Variants in SLC16A8 observed in about 807,000 individuals in gnomAD.
SLC16A8 encodes monocarboxylate transporter 3.
Under a neutral mutation model 22.4 loss-of-function variants are expected in SLC16A8, and 20 were observed. That is an observed-to-expected ratio of 0.89 (90% CI 0.63 to 1.30). The LOEUF (loss-of-function observed/expected upper bound fraction) is 1.30. Among genes scored for constraint, SLC16A8 ranks in the 50% most tolerant of loss-of-function variants. The probability of loss-of-function intolerance (pLI) is 0.00; values close to 1 mark genes in which losing one functional copy is unlikely to be tolerated. For missense variants in SLC16A8, 817 were observed against 740.3 expected (o/e 1.10, Z -1.20); for synonymous variants, 393 against 358.8 (o/e 1.10, Z -1.08).
At chr22:38,080,358 T>C (rs1241758766) in intron 5 of SLC16A8, among the ~76,000 whole-genome samples, 1 of 152,080 alleles carries the variant, frequency 6.6e-6, no homozygotes, top group Non-Finnish European at 1.5e-5. Context: ...CTTCTCCCCA[T>C]CTGCCCGCTG....
At chr22:38,079,636 C>A (rs544595742) in intron 5 of SLC16A8, among the ~76,000 whole-genome samples, 100 of 152,262 alleles carry the variant, frequency 6.6e-4, no homozygotes, top group Non-Finnish European at 1.2e-3. Context: ...CCATGTTGCC[C>A]CGGCTGGTTT....
intron 5 of SLC16A8, among the ~76,000 whole-genome samples, chr22:38,080,461 G>A (rs985963073): frequency 5.9e-5 from 9 of 152,144 alleles, no homozygotes; most frequent in Admixed American, 2.6e-4. Flanking sequence ...TTCTAAAGGC[G>A]TGGGCATTTA....
In SLC16A8 at chr22:38,083,285, T is replaced by C. The variant is rs1601973029; in HGVS notation, c.-252A>G. 9.7e-6 allele frequency: 2 copies of C among 205,980 alleles called. No homozygotes were observed. Among genetic ancestry groups the C allele is most frequent in the East Asian group, 2.2e-4 (2 of 8,980 alleles). 12.8% of individuals were successfully genotyped at this position (205,980 alleles called of 1,614,324 possible). A position where few individuals can be genotyped will look rare whatever the true frequency, so the allele number is the denominator to read the frequency against. On this transcript the variant is annotated 5_prime_UTR_variant, in exon 2 of 6. Coordinates refer to ENST00000681075, the MANE Select transcript of SLC16A8 (RefSeq NM_013356.3). The stretch of plus-strand genomic sequence containing the variant: ...AAACAGCAGAGGGGCAGATGCCGGC[T>C]GCAAAGGGCCGCTGTGCGTGATTTT...
intron 5 of SLC16A8, among the ~76,000 whole-genome samples, chr22:38,080,279 G>T (rs2085896344): frequency 6.6e-6 from 1 of 152,140 alleles, no homozygotes; most frequent in Non-Finnish European, 1.5e-5. Context: ...CCACCCTCAT[G>T]ACGATGACTT....
intron 3 of SLC16A8, 96 bp downstream of exon 3, chr22:38,082,564 C>T: frequency 9.2e-7 from 1 of 1,089,548 alleles, no homozygotes; most frequent in South Asian, 1.6e-5. Flanking sequence ...TCGGGGGCCA[C>T]CCCGAGGGTC....
Position 38,082,813 on chromosome 22 carries a change from C to G in SLC16A8, c.61G>C (p.Val21Leu). Residue 21 changes from valine (V) to leucine (L), a missense_variant, in exon 3 of 6, where the codon GTG becomes CTG. Coordinates refer to ENST00000681075, the MANE Select transcript of SLC16A8 (RefSeq NM_013356.3). ...GTGACCACAAAGCAGGCGCCCAGCA[C>G]CACCCAGCCCCAGCCGCCGTCTGGG... ...GPPDGGWGWV[V>L]LGACFVVTGF... The G allele has an allele frequency of 6.3e-7, 1 of 1,585,588 alleles. No homozygotes were observed.
At chr22:38,082,526 C>T in intron 3 of SLC16A8, 134 bp downstream of exon 3, 1 of 760,020 alleles carries the variant, frequency 1.3e-6, no homozygotes, top group Non-Finnish European at 2.1e-6. Flanking sequence ...CTTTCTGGTG[C>T]CAGGGTTCCC....
intron 2 of SLC16A8, 47 bp downstream of exon 2, chr22:38,082,995 G>T: frequency 1.4e-6 from 1 of 694,920 alleles, no homozygotes; most frequent in Non-Finnish European, 2.4e-6. Context: ...ACGTGAGGGT[G>T]GCTCAGGTCT....
chr22:38,081,527 A>T lies in SLC16A8; in HGVS notation c.511T>A (p.Phe171Ile), dbSNP rs1213025288. Residue 171 changes from phenylalanine (F) to isoleucine (I), a missense_variant, in exon 5 of 6, where the codon TTC (phenylalanine) becomes ATC (isoleucine). Physicochemically the swap from Phe to Ile is conservative, Grantham distance 21 (BLOSUM62 0). Transcript: ENST00000681075. The stretch of plus-strand genomic sequence containing the variant: ...AGCAGGAAGCCGCCGCGCCAGCCGA[A>T]GCGCTCCAGCAGCTGCTGGCCGAGC... ...SPLGQQLLER[F>I]GWRGGFLLLG... 1.4e-6 allele frequency: 2 copies of T among 1,437,288 alleles called. No individual in the cohort carries two copies. Among genetic ancestry groups the T allele is most frequent in the Admixed American group, 3.1e-5 (1 of 32,648 alleles). The allele number at this position is 1,437,288 out of a possible 1,614,324, so 89.0% of individuals were successfully genotyped here.
At position 38,081,634 on chromosome 22, in the gene SLC16A8, C is replaced by T; in HGVS notation, c.404G>A (p.Gly135Glu). The change falls in exon 5 of 6, where the codon GGG (glycine) becomes GAG (glutamate). Residue 135 changes from glycine to glutamate, a missense_variant. Physicochemically the swap from Gly to Glu is moderately conservative, Grantham distance 98. Transcript: ENST00000681075. The part of the protein sequence containing the change: ...LNFQPSLIML[G>E]LYFERRRPLA... ...AGGCCGCCGCCGCTCGAAGTACAGC[C>T]CCAGCATGATGAGCGACGGCTGGAA... 1 of 1,529,050 alleles carries T rather than the reference C, an allele frequency of 6.5e-7. No individual in the cohort carries two copies. The highest frequency in any genetic ancestry group is 8.7e-7 in the Non-Finnish European group (1 of 1,142,982). The allele number at this position is 1,529,050 out of a possible 1,614,324, so 94.7% of individuals were successfully genotyped here.
At chr22:38,080,361 GC>G (rs1190877744) in intron 5 of SLC16A8, among the ~76,000 whole-genome samples, 1 of 152,102 alleles carries the variant, frequency 6.6e-6, no homozygotes, top group East Asian at 1.9e-4. Flanking sequence ...CTCCCCATCT[GC>G]CCGCTGAGCA....
Position 38,082,896 on chromosome 22 carries a change from C to A in SLC16A8, c.-8-15G>T. 7.0e-7 allele frequency: 1 copy of A among 1,430,534 alleles called. No homozygotes were observed. The highest frequency in any genetic ancestry group is 1.2e-5 in the South Asian group (1 of 81,104). 88.6% of individuals were successfully genotyped at this position (1,430,534 alleles called of 1,614,324 possible). ...CATCGCTGCCTCTGTTGGGAGGGGGCGGGGACAAGAGGGAGGGGCTGGGCC... is the reference window on the plus strand; with the variant it reads ...CATCGCTGCCTCTGTTGGGAGGGGGAGGGGACAAGAGGGAGGGGCTGGGCC... On this transcript the variant is annotated splice_polypyrimidine_tract_variant and intron_variant, in intron 2 of 5. Transcript: ENST00000681075.
chr22:38,081,667 G>C lies in SLC16A8; in HGVS notation c.371C>G (p.Ala124Gly). ...TAGVLTGLGL[A>G]LNFQPSLIML... ...GATGAGCGACGGCTGGAAGTTGAGG[G>C]CCAGGCCCAGGCCTGCGGGCGAGGC... The change falls in exon 5 of 6, where the codon GCC (alanine) becomes GGC (glycine). Residue 124 changes from alanine (A) to glycine (G), a missense_variant. By Grantham distance (60) the Ala-to-Gly change is moderately conservative (BLOSUM62 0). Coordinates refer to ENST00000681075, the MANE Select transcript of SLC16A8 (RefSeq NM_013356.3). The C allele has an allele frequency of 6.6e-7, 1 of 1,523,034 alleles. No individual in the cohort carries two copies. The highest frequency in any genetic ancestry group is 8.8e-7 in the Non-Finnish European group (1 of 1,140,202). 94.3% of individuals were successfully genotyped at this position (1,523,034 alleles called of 1,614,324 possible). A position where few individuals can be genotyped will look rare whatever the true frequency, so the allele number is the denominator to read the frequency against.
At position 38,083,122 on chromosome 22, in the gene SLC16A8, G is replaced by T; in HGVS notation, c.-89C>A. On this transcript the variant is annotated 5_prime_UTR_variant, in exon 2 of 6. Coordinates refer to ENST00000681075, the MANE Select transcript of SLC16A8 (RefSeq NM_013356.3). ...CCCACCTGACTCTGCACCTCTGCAG[G>T]CTCCCTCTGAAGGACAACTGCTGGC... 2 of 533,092 alleles carry T rather than the reference G, an allele frequency of 3.8e-6. No homozygotes were observed. The highest frequency in any genetic ancestry group is 6.1e-5 in the East Asian group (2 of 32,960). 33.0% of individuals were successfully genotyped at this position (533,092 alleles called of 1,614,324 possible).
chr22:38,082,647 CG>C lies in SLC16A8; in HGVS notation c.214+12del. 1 of 1,542,326 alleles carries C rather than the reference CG, an allele frequency of 6.5e-7. No homozygotes were observed. Among genetic ancestry groups the C allele is most frequent in the Non-Finnish European group, 8.8e-7 (1 of 1,142,364 alleles). On this transcript the variant is annotated intron_variant, in intron 3 of 5. Transcript: ENST00000681075. ...GGTCCCGGGGAGGCGGAGGGCCGGGCGGGGACACTGACCCGTGCCGTAGAGC... is the reference window on the plus strand; with the variant it reads ...GGTCCCGGGGAGGCGGAGGGCCGGGCGGGACACTGACCCGTGCCGTAGAGC...
rs747974106 is a variant in SLC16A8 at position 38,081,087 on chromosome 22, C to T, written c.951G>A (p.Pro317=). The change falls in exon 5 of 6, where the codon CCG becomes CCA. Residue 317 remains proline, a synonymous_variant. Coordinates refer to ENST00000681075, the MANE Select transcript of SLC16A8 (RefSeq NM_013356.3). ...GALAGLARLR[P]HVPYLFSLAL... ...CCAGGCTGAACAGATACGGGACGTG[C>T]GGCCGCAGACGCGCCAGGCCCGCCA... 3 of 1,560,870 alleles carry T rather than the reference C, an allele frequency of 1.9e-6. No homozygotes were observed. The highest frequency in any genetic ancestry group is 1.7e-6 in the Non-Finnish European group (2 of 1,156,524).
Position 38,081,870 on chromosome 22 carries a change from G to A in SLC16A8, c.358+19C>T. On this transcript the variant is annotated intron_variant, in intron 4 of 5. Coordinates refer to ENST00000681075, the MANE Select transcript of SLC16A8 (RefSeq NM_013356.3). The stretch of plus-strand genomic sequence containing the variant: ...CCCCGACCCCCAACCCAGCGGAGAG[G>A]AGACCAGGGGGCCCTCACCTGTGAG... 1 of 1,588,480 alleles carries A rather than the reference G, an allele frequency of 6.3e-7. No individual in the cohort carries two copies. Among genetic ancestry groups the A allele is most frequent in the Non-Finnish European group, 8.6e-7 (1 of 1,167,522 alleles).
At chr22:38,080,490 C>T (rs978616567) in intron 5 of SLC16A8, among the ~76,000 whole-genome samples, 1 of 152,320 alleles carries the variant, frequency 6.6e-6, no homozygotes, top group Admixed American at 6.5e-5. Context: ...TACACTGAGG[C>T]TCTCATTCTG....
rs777824611 is a variant in SLC16A8 at position 38,084,102 on chromosome 22, C to T, written c.-443G>A. 1 of 152,530 alleles carries T rather than the reference C, an allele frequency of 6.6e-6. No individual in the cohort carries two copies. Among genetic ancestry groups the T allele is most frequent in the Non-Finnish European group, 1.5e-5 (1 of 68,330 alleles). The allele number at this position is 152,530 out of a possible 1,614,324, so 9.4% of individuals were successfully genotyped here. On this transcript the variant is annotated 5_prime_UTR_variant, in exon 1 of 6. Transcript: ENST00000681075. The stretch of plus-strand genomic sequence containing the variant: ...ACCCGGATGGGGGCTGCCAGACACC[C>T]CAGCTTCCCACCAGCCTGGGCTGAG...
Sources: gnomAD v4.1 joint callset for allele counts (sites outside exome capture counted in the v4.1 genomes callset) on GRCh38, gnomAD v4.1.1 for gene constraint, MANE v1.5 for transcripts, NCBI Gene and HGNC (gene_info 2026-07-23, HGNC 2026-07-21) for gene names.